Variants in DYRK4 observed in about 807,000 individuals in gnomAD.
The protein encoded by DYRK4 is dual specificity tyrosine-phosphorylation-regulated kinase 4.
In DYRK4, 64 loss-of-function variants were observed where a neutral mutation model predicts 68.3. The ratio of observed to expected loss-of-function variants is 0.94; its 90% CI spans 0.77 to 1.15. The LOEUF (loss-of-function observed/expected upper bound fraction) is 1.15, where lower values mean the gene tolerates loss of function less well. DYRK4 is among the 50% of genes most tolerant of loss of function. DYRK4 has a pLI of 0.00. For synonymous variants in DYRK4, 274 were observed against 289.9 expected (o/e 0.95, Z 0.56); for missense variants, 740 against 764.7 (o/e 0.97, Z 0.38).
chr12:4,607,681 G>A (rs531454820), intron 12 of DYRK4, among the ~76,000 whole-genome samples: 28 of 152,236 alleles, frequency 1.8e-4, no homozygotes, highest in African/African-American at 5.5e-4. Context: ...TATTGTAACT[G>A]CATCCTCTCC....
At chr12:4,574,214 G>C (rs1339802713) in intron 2 of DYRK4, among the ~76,000 whole-genome samples, 4 of 129,538 alleles carry the variant, frequency 3.1e-5, no homozygotes, top group Non-Finnish European at 6.3e-5. Context: ...GACAGAGCGA[G>C]ACTCCATCTT....
chr12:4,594,802 C>T (rs1348840621), intron 6 of DYRK4, among the ~76,000 whole-genome samples: 4 of 151,602 alleles, frequency 2.6e-5, no homozygotes, highest in Non-Finnish European at 5.9e-5. Flanking sequence ...CATTCCAGTA[C>T]ACACACAAAT....
intron 2 of DYRK4, among the ~76,000 whole-genome samples, chr12:4,578,922 T>C (rs564609245): frequency 4.6e-5 from 7 of 152,336 alleles, no homozygotes; most frequent in Middle Eastern, 3.4e-3. Context: ...AGCATTGTTT[T>C]TGGTGCTGGG....
At position 4,610,708 on chromosome 12, in the gene DYRK4, G is replaced by A. The variant is rs78877170; in HGVS notation, c.1490+424G>A. On this transcript the variant is annotated intron_variant, in intron 13 of 14. Transcript: ENST00000543431. Reference sequence around the variant, plus strand: ...TTGCATACACATCCAGTGTAAACTGGTTTCAGGGCCTGTCCCCCTCCCCCT... The same window carrying A: ...TTGCATACACATCCAGTGTAAACTGATTTCAGGGCCTGTCCCCCTCCCCCT... Among the ~76,000 whole-genome samples, 63 of 152,278 alleles carry A rather than the reference G, an allele frequency of 4.1e-4. 1 individual carries two copies. In the East Asian group the frequency reaches 0.012, roughly 28 times the overall value.
chr12:4,581,948 T>C (rs987816711), intron 2 of DYRK4, among the ~76,000 whole-genome samples: 1 of 152,204 alleles, frequency 6.6e-6, no homozygotes, highest in Non-Finnish European at 1.5e-5. Flanking sequence ...AAACACAAAA[T>C]TCATTTATGT....
intron 9 of DYRK4, chr12:4,599,500 G>A: frequency 1.7e-6 from 1 of 575,428 alleles, no homozygotes; most frequent in South Asian, 2.2e-5. Context: ...GCAAAGCAGT[G>A]ACTATGAGGT....
At chr12:4,570,586 T>G (rs1463422549) in intron 2 of DYRK4, among the ~76,000 whole-genome samples, 1 of 152,170 alleles carries the variant, frequency 6.6e-6, no homozygotes, top group Non-Finnish European at 1.5e-5. Flanking sequence ...AATCCCTTCA[T>G]CTAAAAAAAC....
intron 13 of DYRK4, among the ~76,000 whole-genome samples, chr12:4,612,269 A>G (rs1945229883): frequency 6.6e-6 from 1 of 152,224 alleles, no homozygotes; most frequent in African/African-American, 2.4e-5. Flanking sequence ...CTTTTGTAAA[A>G]TAATATTTCT....
chr12:4,590,936 A>G (rs542306459), intron 4 of DYRK4: 85 of 518,836 alleles, frequency 1.6e-4, no homozygotes, highest in African/African-American at 1.4e-3. Context: ...TGTCAGCAGC[A>G]TACGGTAAGG....
chr12:4,583,665 G>T (rs957179047), intron 2 of DYRK4, among the ~76,000 whole-genome samples: 7 of 152,120 alleles, frequency 4.6e-5, no homozygotes, highest in African/African-American at 1.7e-4. Flanking sequence ...AAAGTGCTGG[G>T]ATTACAGGTG....
chr12:4,588,463 G>A (rs778397442), intron 2 of DYRK4, among the ~76,000 whole-genome samples: 35 of 152,268 alleles, frequency 2.3e-4, no homozygotes, highest in South Asian at 8.3e-4. Flanking sequence ...CCTTCTAGGC[G>A]TGAAGTCTCT....
Position 4,613,610 on chromosome 12 carries a change from G to A in DYRK4, c.1762G>A (p.Ala588Thr). 1.2e-6 allele frequency: 2 copies of A among 1,614,174 alleles called. No homozygotes were observed. Among genetic ancestry groups the A allele is most frequent in the Non-Finnish European group, 8.5e-7 (1 of 1,180,004 alleles). ...TCAGCAGGACTGTCTCCAGCACGGA[G>A]CTGACACTGTTCAGCTGCCTCAACT... ...GDQQDCLQHG[A>T]DTVQLPQLVD... is the part of the protein sequence containing the mutation. Residue 588 changes from alanine (A) to threonine (T), a missense_variant, in exon 15 of 15, where the codon GCT (alanine) becomes ACT (threonine). Ala to Thr is a moderately conservative substitution (Grantham distance 58). Transcript: ENST00000543431. This position sits in a 1 kb window ranked among gnomAD's most constrained non-coding sequence, Gnocchi z 4.0.
At chr12:4,592,191 G>T (rs1328128762) in intron 5 of DYRK4, among the ~76,000 whole-genome samples, 1 of 152,120 alleles carries the variant, frequency 6.6e-6, no homozygotes, top group Admixed American at 6.5e-5. Context: ...GCTGCCATCT[G>T]CCCCCCTGCT....
intron 2 of DYRK4, among the ~76,000 whole-genome samples, chr12:4,582,711 G>A (rs1196186083): frequency 1.3e-5 from 2 of 152,194 alleles, no homozygotes; most frequent in Admixed American, 1.3e-4. Context: ...GGTGGGGTGG[G>A]TGATGGGAGA....
In DYRK4 at chr12:4,607,349, G is replaced by T; in HGVS notation, c.1322G>T (p.Gly441Val). The T allele has an allele frequency of 1.2e-6, 2 of 1,614,200 alleles. No individual in the cohort carries two copies. The highest frequency in any genetic ancestry group is 1.6e-4 in the Middle Eastern group (1 of 6,062). ...IMEVLGLPPA[G>V]FIQTASRRQT... The stretch of plus-strand genomic sequence containing the variant: ...AAGGTGCTGGGTCTGCCGCCAGCCG[G>T]CTTCATTCAGACAGCCTCCAGGAGA... Residue 441 changes from glycine to valine, a missense_variant, in exon 12 of 15, where the codon GGC becomes GTC. Gly to Val is a moderately radical substitution (Grantham distance 109, BLOSUM62 -3). Around this residue, in one of 3 missense-constraint regions of DYRK4, gnomAD observed 614 missense variants for 603.7 expected, o/e 1.02. Transcript: ENST00000543431.
intron 2 of DYRK4, among the ~76,000 whole-genome samples, chr12:4,569,681 A>ACC (rs1565531694): frequency 6.6e-6 from 1 of 151,818 alleles, no homozygotes; most frequent in Non-Finnish European, 1.5e-5. Flanking sequence ...GGCTGGTCTC[A>ACC]AACTCCTGGG....
At chr12:4,568,139 C>A in intron 2 of DYRK4, 91 bp downstream of exon 2, 1 of 1,217,562 alleles carries the variant, frequency 8.2e-7, no homozygotes, top group Non-Finnish European at 1.2e-6. Flanking sequence ...GTGCCCCAAG[C>A]ACCTCTGGGT....
At chr12:4,586,363 G>A (rs1419520053) in intron 2 of DYRK4, among the ~76,000 whole-genome samples, 2 of 152,182 alleles carry the variant, frequency 1.3e-5, no homozygotes, top group East Asian at 1.9e-4. Context: ...TTTAGATACA[G>A]AGCTCAGGAC....
chr12:4,612,777 T>A, intron 14 of DYRK4, 59 bp downstream of exon 14: 1 of 1,563,074 alleles, frequency 6.4e-7, no homozygotes, highest in Admixed American at 1.7e-5. Flanking sequence ...TATTCTAGAA[T>A]TCTGTAAATC....
Sources: allele counts gnomAD v4.1 joint callset (sites outside exome capture counted in the v4.1 genomes callset), GRCh38; gene constraint gnomAD v4.1.1; regional missense constraint gnomAD v4.1.1; non-coding constraint Gnocchi (gnomAD v3.1); transcripts MANE v1.5; gene names NCBI Gene and HGNC (gene_info 2026-07-23, HGNC 2026-07-21).